Variants in STK3 observed in about 807,000 individuals in gnomAD.
The protein encoded by STK3 is serine/threonine-protein kinase 3.
In STK3, 41 loss-of-function variants were observed where a neutral mutation model predicts 58.0. The ratio of observed to expected loss-of-function variants is 0.71; its 90% confidence interval spans 0.55 to 0.92. The LOEUF (loss-of-function observed/expected upper bound fraction) is 0.92. Ranked by LOEUF, STK3 falls within the 40% of genes least tolerant of loss-of-function variation. STK3 has a pLI of 0.00. For synonymous variants in STK3, 170 were observed against 191.0 expected, an observed-to-expected ratio of 0.89 and a Z score of 0.91; for missense variants, 479 against 602.7, an observed-to-expected ratio of 0.79 and a Z score of 2.15.
intron 1 of STK3, among the ~76,000 whole-genome samples, chr8:98,801,743 A>G (rs557970521): frequency 1.9e-4 from 29 of 152,312 alleles, no homozygotes; most frequent in Admixed American, 1.8e-3. Context: ...CTTCATTCTT[A>G]AGTCAGTGAG....
chr8:98,764,166 T>C (rs1441221895), intron 3 of STK3, among the ~76,000 whole-genome samples: 4 of 152,246 alleles, frequency 2.6e-5, no homozygotes, highest in Non-Finnish European at 4.4e-5. Context: ...GTACCTACTA[T>C]GTGCAAGGCA....
chr8:98,588,997 T>G (rs1405530862), intron 7 of STK3, among the ~76,000 whole-genome samples: 1 of 148,026 alleles, frequency 6.8e-6, no homozygotes, highest in African/African-American at 2.5e-5. Context: ...TTATACATTC[T>G]TCTAAATTTT....
intron 1 of STK3, among the ~76,000 whole-genome samples, chr8:98,386,582 A>T (rs1053001526): frequency 6.6e-6 from 1 of 152,254 alleles, no homozygotes; most frequent in Non-Finnish European, 1.5e-5. Context: ...AACAAAAACT[A>T]ATAGTGGTTA....
chr8:98,548,870 G>A (rs1449257275), intron 8 of STK3, among the ~76,000 whole-genome samples: 1 of 152,046 alleles, frequency 6.6e-6, no homozygotes, highest in Non-Finnish European at 1.5e-5. Context: ...CCTCATGTAA[G>A]TGGAATCATA....
At chr8:98,644,577 T>C (rs117489390) in intron 6 of STK3, among the ~76,000 whole-genome samples, 1 of 152,158 alleles carries the variant, frequency 6.6e-6, no homozygotes, top group Non-Finnish European at 1.5e-5. Context: ...TATAATCACA[T>C]CATAACTTAA....
chr8:98,552,049 C>T (rs894391553), intron 8 of STK3, among the ~76,000 whole-genome samples: 1 of 152,094 alleles, frequency 6.6e-6, no homozygotes, highest in Non-Finnish European at 1.5e-5. Flanking sequence ...CATTATTCTA[C>T]TATATACATG....
chr8:98,789,888 C>T (rs780497040), intron 1 of STK3, among the ~76,000 whole-genome samples: 12 of 151,972 alleles, frequency 7.9e-5, no homozygotes, highest in South Asian at 4.2e-4. Context: ...AGTAGCTGGG[C>T]GTGGTGGTAA....
intron 6 of STK3, among the ~76,000 whole-genome samples, chr8:98,642,757 C>T (rs1015932090): frequency 6.6e-6 from 1 of 152,106 alleles, no homozygotes; most frequent in African/African-American, 2.4e-5. Flanking sequence ...TTGTTGAAAA[C>T]AGGATCACAT....
At chr8:98,695,577 T>C (rs1824833380) in intron 6 of STK3, among the ~76,000 whole-genome samples, 1 of 152,208 alleles carries the variant, frequency 6.6e-6, no homozygotes, top group African/African-American at 2.4e-5. Context: ...CTAGCCAGTT[T>C]TCCCAGCACC....
At chr8:98,412,143 C>A (rs1022992003) in intron 3 of STK3, among the ~76,000 whole-genome samples, 3 of 152,176 alleles carry the variant, frequency 2.0e-5, no homozygotes, top group African/African-American at 7.2e-5. Context: ...GTGCTGCCTG[C>A]GATAGTAGCT....
At chr8:98,603,860 G>A (rs1816562778) in intron 6 of STK3, among the ~76,000 whole-genome samples, 1 of 152,150 alleles carries the variant, frequency 6.6e-6, no homozygotes, top group African/African-American at 2.4e-5. Flanking sequence ...CACCCCGCAA[G>A]ATGTCTACGT....
At chr8:98,692,488 T>C (rs919640259) in intron 6 of STK3, among the ~76,000 whole-genome samples, 44 of 152,298 alleles carry the variant, frequency 2.9e-4, no homozygotes, top group Admixed American at 2.2e-3. Context: ...ATTGTTTGAT[T>C]CTACTTATAT....
chr8:98,764,565 G>A (rs1395742759), intron 3 of STK3, among the ~76,000 whole-genome samples: 1 of 152,206 alleles, frequency 6.6e-6, no homozygotes, highest in African/African-American at 2.4e-5. Context: ...AGTAGATGAT[G>A]ATGCCTTTGA....
intron 4 of STK3, among the ~76,000 whole-genome samples, chr8:98,725,250 T>A (rs1453697582): frequency 1.3e-5 from 2 of 152,178 alleles, no homozygotes; most frequent in East Asian, 3.8e-4. Flanking sequence ...ATGGTATTAA[T>A]CCCTTGTGTA....
intron 6 of STK3, among the ~76,000 whole-genome samples, chr8:98,695,981 T>A (rs1202438250): frequency 6.6e-6 from 1 of 152,148 alleles, no homozygotes; most frequent in Non-Finnish European, 1.5e-5. Context: ...CGATATTGAT[T>A]CTTCCTACCC....
At chr8:98,864,041 A>C (rs1307802865) in intron 3 of STK3, among the ~76,000 whole-genome samples, 1 of 150,618 alleles carries the variant, frequency 6.6e-6, no homozygotes, top group Non-Finnish European at 1.5e-5. Flanking sequence ...CTAAAAATAC[A>C]AAAAAAAATT....
chr8:98,481,329 G>C (rs148633874), intron 10 of STK3, among the ~76,000 whole-genome samples: 1 of 151,982 alleles, frequency 6.6e-6, no homozygotes, highest in Non-Finnish European at 1.5e-5. Flanking sequence ...ATTCACAGTC[G>C]CAAAGATATG....
chr8:98,871,118 T>C (rs1328234588), intron 3 of STK3, among the ~76,000 whole-genome samples: 3 of 152,232 alleles, frequency 2.0e-5, no homozygotes, highest in Non-Finnish European at 4.4e-5. Context: ...CCCCATTTCT[T>C]GTTTTTGTCA....
intron 6 of STK3, chr8:98,633,691 A>ACATCAAGG: frequency 8.7e-6 from 6 of 691,330 alleles, no homozygotes; most frequent in Non-Finnish European, 1.6e-5. Flanking sequence ...AAGGTTAGAG[A>ACATCAAGG]ATACAAATCT....
Sources: allele counts gnomAD v4.1 joint callset (sites outside exome capture counted in the v4.1 genomes callset), GRCh38; gene constraint gnomAD v4.1.1; transcripts MANE v1.5; gene names NCBI Gene and HGNC (gene_info 2026-07-23, HGNC 2026-07-21).